Variants in ERC1 observed in about 807,000 individuals in gnomAD.
The protein encoded by ERC1 is RAB6 interacting protein 2.
A neutral mutation model predicts 132.0 loss-of-function variants in ERC1; 56 were observed. The ratio of observed to expected loss-of-function variants is 0.42; its 90% CI spans 0.34 to 0.53. The LOEUF is 0.53. ERC1 is among the 20% of genes least tolerant of loss of function. The pLI is 0.03. For synonymous variants in ERC1, 478 were observed against 476.1 expected (o/e 1.00, Z -0.05); for missense variants, 1,202 against 1,349.9 (o/e 0.89, Z 1.72).
intron 17 of ERC1, among the ~76,000 whole-genome samples, chr12:1,421,361 A>G (rs188385936): frequency 2.1e-3 from 314 of 152,308 alleles, no homozygotes; most frequent in African/African-American, 7.2e-3. Context: ...ATATTTCTCA[A>G]ATCTTCCTCC....
intron 8 of ERC1, among the ~76,000 whole-genome samples, chr12:1,150,522 C>A (rs1950737758): frequency 6.6e-6 from 1 of 152,080 alleles, no homozygotes; most frequent in African/African-American, 2.4e-5. Context: ...ATTTTTGAAT[C>A]ATGATATTTC....
At chr12:1,223,835 T>C (rs953610185) in intron 12 of ERC1, among the ~76,000 whole-genome samples, 2 of 152,188 alleles carry the variant, frequency 1.3e-5, no homozygotes, top group Non-Finnish European at 1.5e-5. Flanking sequence ...ATGTTCACTA[T>C]GAATTAAATT....
chr12:1,269,208 A>T (rs2154329842), intron 14 of ERC1, among the ~76,000 whole-genome samples: 1 of 152,350 alleles, frequency 6.6e-6, no homozygotes, highest in East Asian at 1.9e-4. Context: ...CACTAACCCA[A>T]CAGATAACAT....
At chr12:1,320,362 G>A (rs1399343739) in intron 15 of ERC1, among the ~76,000 whole-genome samples, 2 of 152,084 alleles carry the variant, frequency 1.3e-5, no homozygotes, top group Non-Finnish European at 2.9e-5. Context: ...TAATTGTTAG[G>A]TGTAGTGGAT....
intron 8 of ERC1, among the ~76,000 whole-genome samples, chr12:1,142,384 G>A (rs191122069): frequency 2.2e-4 from 33 of 152,214 alleles, no homozygotes; most frequent in African/African-American, 7.2e-4. Context: ...TCTACTGATG[G>A]ACATTAATTT....
At chr12:1,233,759 C>G (rs1394443813) in intron 12 of ERC1, among the ~76,000 whole-genome samples, 2 of 151,972 alleles carry the variant, frequency 1.3e-5, no homozygotes, top group Non-Finnish European at 2.9e-5. Context: ...CACTGGCATT[C>G]AAAAAGGGTA....
intron 15 of ERC1, among the ~76,000 whole-genome samples, chr12:1,306,881 T>C (rs2080923136): frequency 6.6e-6 from 1 of 152,176 alleles, no homozygotes; most frequent in African/African-American, 2.4e-5. Context: ...ATATAAACTT[T>C]TATGGATATA....
At chr12:1,010,223 G>A (rs1006584171) in intron 1 of ERC1, among the ~76,000 whole-genome samples, 1 of 152,170 alleles carries the variant, frequency 6.6e-6, no homozygotes, top group Non-Finnish European at 1.5e-5. Flanking sequence ...GCTCATGCCT[G>A]TAATCCCAGC....
chr12:1,385,266 G>A (rs10128898), intron 16 of ERC1, among the ~76,000 whole-genome samples: 34,117 of 151,918 alleles, frequency 0.22, 7,230 homozygotes, highest in African/African-American at 0.56. Context: ...AAGTTTCCTC[G>A]CAATTACCTT....
chr12:1,149,561 C>A (rs1950657349), intron 8 of ERC1, among the ~76,000 whole-genome samples: 1 of 152,048 alleles, frequency 6.6e-6, no homozygotes, highest in Non-Finnish European at 1.5e-5. Flanking sequence ...CCATGCCCAG[C>A]TAATTTTTTG....
intron 1 of ERC1, among the ~76,000 whole-genome samples, chr12:999,740 C>T (rs1292022984): frequency 6.7e-6 from 1 of 150,124 alleles, no homozygotes; most frequent in Admixed American, 6.8e-5. Flanking sequence ...GGATTATAGG[C>T]GTGCACCACC....
intron 2 of ERC1, among the ~76,000 whole-genome samples, chr12:1,082,265 A>T (rs1411589994): frequency 2.0e-5 from 3 of 151,368 alleles, no homozygotes; most frequent in African/African-American, 7.3e-5. Flanking sequence ...TGACCTCGTG[A>T]TGTGCCCGAC....
rs971994321 is a variant in ERC1, at chr12:1,490,768, G to C, written c.*538G>C. 1 of 234,208 alleles carries C rather than the reference G, an allele frequency of 4.3e-6. No individual in the cohort carries two copies. The highest frequency in any genetic ancestry group is 8.4e-6 in the Non-Finnish European group (1 of 118,764). The allele number at this position is 234,208 out of a possible 1,614,324, so 14.5% of individuals were successfully genotyped here. Reference sequence around the variant, plus strand: ...GAGAAAATCGACTCTTCTTTTTACTGTCTCTTCTGCTTACTTTCCACATGA... The same window carrying C: ...GAGAAAATCGACTCTTCTTTTTACTCTCTCTTCTGCTTACTTTCCACATGA... On this transcript the variant is annotated 3_prime_UTR_variant, in exon 19 of 19. Transcript: ENST00000360905.
At chr12:1,149,718 T>G (rs1473457255) in intron 8 of ERC1, among the ~76,000 whole-genome samples, 1 of 152,152 alleles carries the variant, frequency 6.6e-6, no homozygotes, top group Non-Finnish European at 1.5e-5. Context: ...CATTTTTTGT[T>G]ATCATTTATT....
chr12:1,140,848 T>G (rs576195868), intron 7 of ERC1, among the ~76,000 whole-genome samples: 29 of 152,262 alleles, frequency 1.9e-4, no homozygotes, highest in African/African-American at 7.0e-4. Context: ...AAATAGCTCA[T>G]TAATAGTTTT....
intron 18 of ERC1, among the ~76,000 whole-genome samples, chr12:1,449,043 CTT>C (rs1177266065): frequency 6.6e-6 from 1 of 152,240 alleles, no homozygotes; most frequent in Non-Finnish European, 1.5e-5. Flanking sequence ...CATTCTGGAA[CTT>C]TAAGGTTTAA....
intron 3 of ERC1, among the ~76,000 whole-genome samples, chr12:1,092,291 C>T (rs958134487): frequency 6.6e-6 from 1 of 152,212 alleles, no homozygotes; most frequent in African/African-American, 2.4e-5. Flanking sequence ...GCCACCGCGC[C>T]CGGCCCACAT....
rs1040903443 is a variant in ERC1, at chr12:1,475,121, G to A, written c.3214-14972G>A. Among the ~76,000 whole-genome samples, 110 of 152,290 alleles carry A rather than the reference G, an allele frequency of 7.2e-4. 1 individual carries two copies. The highest frequency in any genetic ancestry group is 2.5e-3 in the African/African-American group (102 of 41,556). ...CACCTTCGTATCCTATACTTGTCCC[G>A]TATTCCATCCCTTAAGAACTTTAAA... On this transcript the variant is annotated intron_variant, in intron 18 of 18. Coordinates refer to ENST00000360905, the MANE Select transcript of ERC1 (RefSeq NM_178040.4).
intron 2 of ERC1, among the ~76,000 whole-genome samples, chr12:1,070,500 G>A (rs180867544): frequency 2.2e-4 from 33 of 151,880 alleles, no homozygotes; most frequent in Admixed American, 1.4e-3. Context: ...TGCCCAGGCT[G>A]GTCTTGAACT....
Sources: gnomAD v4.1 joint callset for allele counts (sites outside exome capture counted in the v4.1 genomes callset) on GRCh38, gnomAD v4.1.1 for gene constraint, MANE v1.5 for transcripts, NCBI Gene and HGNC (gene_info 2026-07-23, HGNC 2026-07-21) for gene names.